GALNT17: variants seen among roughly 807,000 people sequenced by gnomAD.
The protein encoded by GALNT17 is UDP-GalNAc:polypeptide N-acetylgalactosaminyltransferase-like 3.
GALNT17 carries 29 observed loss-of-function variants against 63.7 expected under a neutral mutation model. The observed-to-expected ratio is 0.46, with a 90% CI of 0.34 to 0.62. The LOEUF (loss-of-function observed/expected upper bound fraction) is 0.62, where lower values mean the gene tolerates loss of function less well. Ranked by LOEUF, GALNT17 falls within the 20% of genes least tolerant of loss-of-function variation. GALNT17 has a pLI of 0.01. For synonymous variants in GALNT17, 305 were observed against 318.3 expected, an observed-to-expected ratio of 0.96 and a Z score of 0.45; for missense variants, 603 against 799.6, an observed-to-expected ratio of 0.75 and a Z score of 2.97.
chr7:71,708,000 C>T lies in GALNT17; in HGVS notation c.1501-2761C>T, dbSNP rs113455501. 7.2e-3 allele frequency among the ~76,000 whole-genome samples: 1,097 copies of T among 152,254 alleles called. 11 individuals carry two copies. The highest frequency in any genetic ancestry group is 0.025 in the African/African-American group (1,026 of 41,530). The stretch of plus-strand genomic sequence containing the variant: ...GGATGTGGTCAGTTTTGCAACCTAC[C>T]ACAATCATCCAGCATTTGTTGTTGT... On this transcript the variant is annotated intron_variant, in intron 9 of 10. Transcript: ENST00000333538.
intron 9 of GALNT17, among the ~76,000 whole-genome samples, chr7:71,685,270 TG>T (rs1191527462): frequency 1.3e-5 from 2 of 152,142 alleles, no homozygotes; most frequent in African/African-American, 4.8e-5. Context: ...TGGTTCAGGG[TG>T]GCCCAAAAGG....
At position 71,528,949 on chromosome 7, in the gene GALNT17, A is replaced by G. The variant is rs181976330; in HGVS notation, c.963-42336A>G. Among the ~76,000 whole-genome samples the G allele has an allele frequency of 1.1e-3, 172 of 152,266 alleles. 2 individuals carry two copies. The highest frequency in any genetic ancestry group is 2.2e-3 in the Non-Finnish European group (149 of 68,028). ...CAGGAGTTGGAGACCAACCTGGCCA[A>G]CATGGTGAAAGCCCGTCTCTACTAA... On this transcript the variant is annotated intron_variant, in intron 5 of 10. Transcript: ENST00000333538.
intron 1 of GALNT17, among the ~76,000 whole-genome samples, chr7:71,262,944 G>A (rs1790412768): frequency 6.6e-6 from 1 of 151,896 alleles, no homozygotes; most frequent in Non-Finnish European, 1.5e-5. Context: ...GCCTCCCAAA[G>A]TACTGGGATT....
intron 6 of GALNT17, among the ~76,000 whole-genome samples, chr7:71,652,841 G>C (rs866329912): frequency 2.0e-5 from 3 of 152,156 alleles, no homozygotes; most frequent in African/African-American, 7.2e-5. Flanking sequence ...TACAGAACCC[G>C]CCATAGCTCG....
Position 71,477,540 on chromosome 7 carries a change from G to A in GALNT17, c.962+56435G>A, listed in dbSNP as rs114545970. ...TGGTTTTCAATGAGCAAATATCATGGAGGGCAGTACCTAGAGCCGGGCATA... is the reference window on the plus strand; with the variant it reads ...TGGTTTTCAATGAGCAAATATCATGAAGGGCAGTACCTAGAGCCGGGCATA... On this transcript the variant is annotated intron_variant, in intron 5 of 10. Coordinates refer to ENST00000333538, the MANE Select transcript of GALNT17 (RefSeq NM_022479.3). Among the ~76,000 whole-genome samples the A allele has an allele frequency of 2.0e-3, 309 of 152,250 alleles. 1 individual carries two copies. Among genetic ancestry groups the A allele is most frequent in the African/African-American group, 7.3e-3 (304 of 41,552 alleles).
chr7:71,435,913 G>A (rs1006351682), intron 5 of GALNT17, among the ~76,000 whole-genome samples: 3 of 151,880 alleles, frequency 2.0e-5, no homozygotes, highest in East Asian at 1.9e-4. Flanking sequence ...CCACCTACTC[G>A]GGAGGCTGAG....
At chr7:71,588,854 A>C (rs534129706) in intron 6 of GALNT17, among the ~76,000 whole-genome samples, 1 of 152,192 alleles carries the variant, frequency 6.6e-6, no homozygotes, top group South Asian at 2.1e-4. Context: ...AAAATCCAAG[A>C]ACTTCCAGAC....
intron 5 of GALNT17, among the ~76,000 whole-genome samples, chr7:71,461,712 C>T (rs1449108898): frequency 6.6e-6 from 1 of 152,212 alleles, no homozygotes; most frequent in African/African-American, 2.4e-5. Flanking sequence ...TGACTTCTTG[C>T]TGCTGTTGCC....
intron 6 of GALNT17, among the ~76,000 whole-genome samples, chr7:71,577,782 C>T (rs1789562912): frequency 6.6e-6 from 1 of 152,156 alleles, no homozygotes; most frequent in Admixed American, 6.5e-5. Context: ...CAAGATGTCT[C>T]TGAGCCATTC....
At chr7:71,317,497 C>A (rs77598353) in intron 1 of GALNT17, among the ~76,000 whole-genome samples, 1 of 152,036 alleles carries the variant, frequency 6.6e-6, no homozygotes, top group Admixed American at 6.6e-5. Flanking sequence ...GTGGAAGGAT[C>A]GTTTGAGGCT....
At chr7:71,282,044 T>C (rs1790787892) in intron 1 of GALNT17, among the ~76,000 whole-genome samples, 1 of 152,210 alleles carries the variant, frequency 6.6e-6, no homozygotes, top group Admixed American at 6.5e-5. Context: ...TGCTGATCAA[T>C]GACAACGCCA....
intron 6 of GALNT17, among the ~76,000 whole-genome samples, chr7:71,653,457 G>A (rs901221361): frequency 1.3e-5 from 2 of 151,754 alleles, no homozygotes; most frequent in African/African-American, 4.8e-5. Context: ...CCAGGCTGCA[G>A]TGCAATGGTG....
At chr7:71,682,045 G>A (rs1791274731) in intron 9 of GALNT17, among the ~76,000 whole-genome samples, 1 of 152,118 alleles carries the variant, frequency 6.6e-6, no homozygotes. Context: ...TCCTGCCTCA[G>A]CCTTATGAGT....
chr7:71,603,606 C>G (rs1342129949), intron 6 of GALNT17, among the ~76,000 whole-genome samples: 1 of 151,898 alleles, frequency 6.6e-6, no homozygotes, highest in African/African-American at 2.4e-5. Flanking sequence ...AGTGCATACA[C>G]CAGGTACTAT....
At chr7:71,491,142 C>T (rs1232869763) in intron 5 of GALNT17, among the ~76,000 whole-genome samples, 2 of 151,814 alleles carry the variant, frequency 1.3e-5, no homozygotes, top group Admixed American at 6.6e-5. Flanking sequence ...TGCAGTGAGC[C>T]GAGATTGTAC....
At chr7:71,544,655 C>T (rs1788952212) in intron 5 of GALNT17, among the ~76,000 whole-genome samples, 1 of 152,048 alleles carries the variant, frequency 6.6e-6, no homozygotes, top group African/African-American at 2.4e-5. Context: ...GAGTAGTTGA[C>T]TTCACACTTC....
chr7:71,277,632 G>A (rs903259854), intron 1 of GALNT17, among the ~76,000 whole-genome samples: 6 of 152,250 alleles, frequency 3.9e-5, no homozygotes, highest in East Asian at 3.9e-4. Context: ...CTGCCACTGC[G>A]CAAACCTGGG....
At chr7:71,471,909 G>A (rs975202145) in intron 5 of GALNT17, among the ~76,000 whole-genome samples, 23 of 151,200 alleles carry the variant, frequency 1.5e-4, no homozygotes. Context: ...TCTGCCCTCA[G>A]AAAGCCTAAT....
intron 9 of GALNT17, among the ~76,000 whole-genome samples, chr7:71,704,750 C>A (rs1053096355): frequency 2.0e-5 from 3 of 151,964 alleles, no homozygotes; most frequent in African/African-American, 7.3e-5. Flanking sequence ...ACAAGAGTGA[C>A]AAGACAATTC....
Sources: gnomAD v4.1 joint callset for allele counts (sites outside exome capture counted in the v4.1 genomes callset) on GRCh38, gnomAD v4.1.1 for gene constraint, MANE v1.5 for transcripts, NCBI Gene and HGNC (gene_info 2026-07-23, HGNC 2026-07-21) for gene names.